KMT5B: variants seen among roughly 807,000 people sequenced by gnomAD.
The protein encoded by KMT5B is histone-lysine N-methyltransferase KMT5B.
KMT5B carries 10 observed loss-of-function variants against 83.2 expected under a neutral mutation model. The observed-to-expected ratio is 0.12, with a 90% CI of 0.07 to 0.20. The LOEUF (loss-of-function observed/expected upper bound fraction) is 0.20, where lower values mean the gene tolerates loss of function less well. Among genes scored for constraint, KMT5B ranks in the 10% least tolerant of loss-of-function variants. KMT5B has a pLI of 1.00. For missense variants in KMT5B, 753 were observed against 1,067.2 expected (o/e 0.71, Z 4.10); for synonymous variants, 349 against 388.8 (o/e 0.90, Z 1.20).
intron 1 of KMT5B, among the ~76,000 whole-genome samples, chr11:68,200,320 G>A (rs560670596): frequency 6.6e-6 from 1 of 152,238 alleles, no homozygotes; most frequent in East Asian, 1.9e-4. Flanking sequence ...GGCATGACAG[G>A]GACCACTCTG....
At chr11:68,168,714 A>G (rs1466517521) in intron 9 of KMT5B, among the ~76,000 whole-genome samples, 1 of 152,206 alleles carries the variant, frequency 6.6e-6, no homozygotes, top group East Asian at 1.9e-4. Flanking sequence ...ACAGTGTAGC[A>G]GAGAAACATG....
chr11:68,199,939 A>C (rs1166681430), intron 1 of KMT5B, among the ~76,000 whole-genome samples: 1 of 152,234 alleles, frequency 6.6e-6, no homozygotes, highest in African/African-American at 2.4e-5. Flanking sequence ...CAAAGACTAT[A>C]GGAAGATTGG....
chr11:68,178,747 A>G (rs1269895422), intron 4 of KMT5B, among the ~76,000 whole-genome samples: 3 of 152,258 alleles, frequency 2.0e-5, no homozygotes, highest in Admixed American at 2.0e-4. Context: ...GTGGAAAATA[A>G]AAGTTAAGAC....
chr11:68,200,126 T>C (rs984818838), intron 1 of KMT5B, among the ~76,000 whole-genome samples: 3 of 152,212 alleles, frequency 2.0e-5, no homozygotes, highest in Non-Finnish European at 4.4e-5. Context: ...CTGGTATTTT[T>C]ATCTTCAAAT....
chr11:68,174,013 T>C (rs1047938595), intron 5 of KMT5B, 100 bp from the exon 6 acceptor site: 1 of 814,526 alleles, frequency 1.2e-6, no homozygotes. Flanking sequence ...ATGAAAAAAA[T>C]GTAAGATCTA....
chr11:68,172,437 G>A (rs1855927652), intron 6 of KMT5B, among the ~76,000 whole-genome samples: 6 of 150,916 alleles, frequency 4.0e-5, no homozygotes, highest in Admixed American at 2.0e-4. Flanking sequence ...GAGTTTCACC[G>A]TGTTGGCCAG....
Position 68,156,808 on chromosome 11 carries a change from G to A in KMT5B, c.*880C>T, listed in dbSNP as rs1264163423. On this transcript the variant is annotated 3_prime_UTR_variant, in exon 11 of 11. Transcript: ENST00000304363. ...ATAGATTTTTTTAATATTCCTTGTA[G>A]CATTTTACAAGTGCAACAGAAAACT... is the stretch of plus-strand genomic sequence containing the variant. The A allele has an allele frequency of 2.0e-5, 3 of 152,588 alleles. No individual in the cohort carries two copies. The East Asian group carries it at 5.8e-4, about 29-fold the overall frequency. The allele number at this position is 152,588 out of a possible 1,614,324, so 9.5% of individuals were successfully genotyped here.
chr11:68,160,173 G>A (rs1260761510), intron 10 of KMT5B, among the ~76,000 whole-genome samples: 1 of 152,198 alleles, frequency 6.6e-6, no homozygotes, highest in East Asian at 1.9e-4. Flanking sequence ...TGCCTACAAG[G>A]TGGATCGAAT....
chr11:68,206,248 GCTTT>G (rs1447613180), intron 1 of KMT5B, among the ~76,000 whole-genome samples: 3 of 152,222 alleles, frequency 2.0e-5, no homozygotes, highest in African/African-American at 7.2e-5. Context: ...AATCAAGGAT[GCTTT>G]CTTTGTTACT....
At chr11:68,198,879 G>A (rs116768342) in intron 1 of KMT5B, among the ~76,000 whole-genome samples, 1,940 of 152,214 alleles carry the variant, frequency 0.013, 39 homozygotes, top group African/African-American at 0.041. Flanking sequence ...GCAGATGCAC[G>A]CCATCACACC....
In KMT5B at chr11:68,156,870, T is replaced by C. The variant is rs530456735; in HGVS notation, c.*818A>G. On this transcript the variant is annotated 3_prime_UTR_variant, in exon 11 of 11. Coordinates refer to ENST00000304363, the MANE Select transcript of KMT5B (RefSeq NM_017635.5). ...ATTAAGATAGCTGTAGTTCATTAGA[T>C]AAATGTTGCTTGTTGTCATCACGTT... 6.5e-6 allele frequency: 1 copy of C among 152,812 alleles called. No individual in the cohort carries two copies. Among genetic ancestry groups the C allele is most frequent in the East Asian group, 1.9e-4 (1 of 5,192 alleles). 9.5% of individuals were successfully genotyped at this position (152,812 alleles called of 1,614,324 possible).
At chr11:68,160,821 C>T (rs1266468606) in intron 10 of KMT5B, among the ~76,000 whole-genome samples, 1 of 152,152 alleles carries the variant, frequency 6.6e-6, no homozygotes, top group Non-Finnish European at 1.5e-5. Flanking sequence ...GTGGTACGTG[C>T]CTGTAATCCC....
intron 10 of KMT5B, among the ~76,000 whole-genome samples, chr11:68,164,301 G>C (rs1855121005): frequency 6.6e-6 from 1 of 152,172 alleles, no homozygotes; most frequent in Non-Finnish European, 1.5e-5. Context: ...TCTGTCAGCT[G>C]CTAAATTCTA....
intron 9 of KMT5B, among the ~76,000 whole-genome samples, chr11:68,169,533 G>A (rs1283402956): frequency 6.6e-6 from 1 of 152,190 alleles, no homozygotes; most frequent in African/African-American, 2.4e-5. Context: ...TAACATTTGT[G>A]TATTAACTGT....
chr11:68,187,348 C>A (rs182221919), intron 2 of KMT5B, among the ~76,000 whole-genome samples: 1 of 152,124 alleles, frequency 6.6e-6, no homozygotes, highest in Non-Finnish European at 1.5e-5. Flanking sequence ...TCTAAACCAC[C>A]GCTTTGGCTG....
chr11:68,157,817 A>T lies in KMT5B; in HGVS notation c.2529T>A (p.Asp843Glu). The change falls in exon 11 of 11, where the codon GAT becomes GAA. Residue 843 changes from aspartate (D) to glutamate (E), a missense_variant. Around this residue, in one of 9 missense-constraint regions of KMT5B, gnomAD observed 161 missense variants for 195.1 expected, o/e 0.83. Transcript: ENST00000304363. ...EGDEEEDDYD[D>E]DFEDDFIPLP... is the part of the protein sequence containing the mutation. ...GAGGAATAAAATCGTCTTCAAAGTC[A>T]TCATCATAGTCATCCTCCTCTTCAT... 3 of 1,611,142 alleles carry T rather than the reference A, an allele frequency of 1.9e-6. No individual in the cohort carries two copies. Among genetic ancestry groups the T allele is most frequent in the Non-Finnish European group, 2.5e-6 (3 of 1,179,916 alleles).
intron 9 of KMT5B, among the ~76,000 whole-genome samples, chr11:68,167,569 C>T (rs1210762530): frequency 6.6e-6 from 1 of 151,896 alleles, no homozygotes; most frequent in Non-Finnish European, 1.5e-5. Context: ...GTCGTCCCAC[C>T]TCAGCATCCT....
Position 68,155,330 on chromosome 11 carries a change from G to T in KMT5B, c.*2358C>A, listed in dbSNP as rs1307898669. The T allele has an allele frequency of 6.6e-6, 1 of 152,200 alleles. No individual in the cohort carries two copies. The highest frequency in any genetic ancestry group is 1.5e-5 in the Non-Finnish European group (1 of 68,034). 9.4% of individuals were successfully genotyped at this position (152,200 alleles called of 1,614,324 possible). A position where few individuals can be genotyped will look rare whatever the true frequency, so the allele number is the denominator to read the frequency against. On this transcript the variant is annotated 3_prime_UTR_variant, in exon 11 of 11. Coordinates refer to ENST00000304363, the MANE Select transcript of KMT5B (RefSeq NM_017635.5). ...AGAAGGCATCAACAGTGGCTGCTGA[G>T]TGCTTGTGCATACCGACTCCTGAGA...
chr11:68,185,274 C>T (rs193207537), intron 3 of KMT5B, among the ~76,000 whole-genome samples: 6 of 152,228 alleles, frequency 3.9e-5, no homozygotes, highest in Admixed American at 1.3e-4. Flanking sequence ...GGCACGATCT[C>T]GGCTCACTGC....
Sources: allele counts gnomAD v4.1 joint callset (sites outside exome capture counted in the v4.1 genomes callset), GRCh38; gene constraint gnomAD v4.1.1; regional missense constraint gnomAD v4.1.1; transcripts MANE v1.5; gene names NCBI Gene and HGNC (gene_info 2026-07-23, HGNC 2026-07-21).